CTSC: variants seen among roughly 807,000 people sequenced by gnomAD.
CTSC encodes the protein dipeptidyl peptidase 1.
Under a neutral mutation model 40.9 loss-of-function variants are expected in CTSC, and 37 were observed. The observed-to-expected ratio is 0.91, with a 90% CI of 0.70 to 1.19. The LOEUF (loss-of-function observed/expected upper bound fraction) is 1.19. Ranked by LOEUF, CTSC falls within the 50% of genes most tolerant of loss-of-function variation. The pLI is 0.00. For missense variants in CTSC, 594 were observed against 567.3 expected (o/e 1.05, Z -0.48); for synonymous variants, 232 against 207.4 (o/e 1.12, Z -1.02).
chr11:88,295,141 G>A (rs1224778850), intron 6 of CTSC, among the ~76,000 whole-genome samples: 1 of 152,096 alleles, frequency 6.6e-6, no homozygotes, highest in Non-Finnish European at 1.5e-5. Context: ...AGATTGTCTT[G>A]ATATATTATA....
intron 2 of CTSC, chr11:88,326,526 TAAA>T (rs3837397): frequency 5.2e-4 from 349 of 667,984 alleles, no homozygotes; most frequent in Non-Finnish European, 6.4e-4. Context: ...TTTCTTTAAG[TAAA>T]AAAAAAAAAA....
chr11:88,328,348 T>A, intron 2 of CTSC: 1 of 657,104 alleles, frequency 1.5e-6, no homozygotes. Flanking sequence ...CCCAAAGTTG[T>A]TTAAAACAAA....
rs75512227 is a variant in CTSC at position 88,298,633 on chromosome 11, A to G, written c.757+1897T>C. 2.7e-3 allele frequency: 417 copies of G among 152,328 alleles called. 4 individuals carry two copies. The highest frequency in any genetic ancestry group is 9.8e-3 in the African/African-American group (408 of 41,576). 9.4% of individuals were successfully genotyped at this position (152,328 alleles called of 1,614,324 possible). A position where few individuals can be genotyped will look rare whatever the true frequency, so the allele number is the denominator to read the frequency against. On this transcript the variant is annotated intron_variant, in intron 5 of 6. Coordinates refer to ENST00000227266, the MANE Select transcript of CTSC (RefSeq NM_001814.6). ...CAGTATAGAATACCAAAAGAAAGTC[A>G]AAAGAGGAAACTTTAAGTACATTAT...
intron 4 of CTSC, among the ~76,000 whole-genome samples, chr11:88,302,878 T>A (rs1213091847): frequency 6.6e-6 from 1 of 152,076 alleles, no homozygotes; most frequent in African/African-American, 2.4e-5. Context: ...AGAGACATAA[T>A]ATACACAAAG....
intron 1 of CTSC, among the ~76,000 whole-genome samples, chr11:88,336,499 A>G (rs1215251593): frequency 6.6e-6 from 1 of 151,060 alleles, no homozygotes. Context: ...AGATCCCGCC[A>G]CTGAACTACA....
chr11:88,325,428 C>T (rs1938154122), intron 2 of CTSC: 2 of 985,256 alleles, frequency 2.0e-6, no homozygotes, highest in African/African-American at 1.7e-5. Flanking sequence ...ATGATGCTCA[C>T]AGACTGGAAT....
intron 4 of CTSC, among the ~76,000 whole-genome samples, chr11:88,302,303 C>A (rs1404731630): frequency 1.3e-5 from 2 of 152,136 alleles, no homozygotes; most frequent in Non-Finnish European, 2.9e-5. Context: ...TCTCTCACAG[C>A]TTCTCTTAGA....
At chr11:88,318,682 G>C (rs930709250) in intron 2 of CTSC, among the ~76,000 whole-genome samples, 2 of 152,208 alleles carry the variant, frequency 1.3e-5, no homozygotes, top group Non-Finnish European at 2.9e-5. Context: ...GAGGCGGGTG[G>C]ATCACCTGAA....
At chr11:88,326,544 C>A (rs918259482) in intron 2 of CTSC, 11 of 749,080 alleles carry the variant, frequency 1.5e-5, no homozygotes, top group Admixed American at 2.3e-5. Flanking sequence ...AAAAAAAATA[C>A]CAGCACTGAT....
chr11:88,308,645 C>T (rs1937686706), intron 4 of CTSC, among the ~76,000 whole-genome samples: 1 of 151,762 alleles, frequency 6.6e-6, no homozygotes, highest in Non-Finnish European at 1.5e-5. Flanking sequence ...TTTCACCCAC[C>T]CCAACCAATC....
chr11:88,316,514 A>T (rs1053106179), intron 2 of CTSC, among the ~76,000 whole-genome samples: 5 of 152,200 alleles, frequency 3.3e-5, no homozygotes, highest in African/African-American at 1.2e-4. Context: ...TGAAGCAGGG[A>T]TGATAATTAC....
At chr11:88,322,513 T>C (rs1938048202) in intron 2 of CTSC, 1 of 152,162 alleles carries the variant, frequency 6.6e-6, no homozygotes, top group African/African-American at 2.4e-5. Context: ...CCTTTCCCTA[T>C]TGCTTCTTTT....
intron 2 of CTSC, among the ~76,000 whole-genome samples, chr11:88,319,835 G>A (rs1937958114): frequency 6.6e-6 from 1 of 152,094 alleles, no homozygotes; most frequent in African/African-American, 2.4e-5. Context: ...TTTGAAAAGA[G>A]TACTTTGCAT....
At position 88,294,299 on chromosome 11, in the gene CTSC, G is replaced by A. The variant is rs1197569506; in HGVS notation, c.1099C>T (p.His367Tyr). The change falls in exon 7 of 7, where the codon CAT becomes TAT. Residue 367 changes from histidine to tyrosine, a missense_variant. His to Tyr is a moderately conservative substitution (Grantham distance 83). Coordinates refer to ENST00000227266, the MANE Select transcript of CTSC (RefSeq NM_001814.6). ...EALMKLELVH[H>Y]GPMAVAFEVY... is the part of the protein sequence containing the mutation. Reference sequence around the variant, plus strand: ...TCAAAAGCAACTGCCATGGGCCCATGATGGACCAACTCAAGCTTCATCAGG... The same window carrying A: ...TCAAAAGCAACTGCCATGGGCCCATAATGGACCAACTCAAGCTTCATCAGG... 2 of 1,613,984 alleles carry A rather than the reference G, an allele frequency of 1.2e-6. No homozygotes were observed. The highest frequency in any genetic ancestry group is 2.2e-5 in the East Asian group (1 of 44,892).
rs200256827 is a variant in CTSC, at chr11:88,301,799, AAC to A, written c.642-1156_642-1155del. Among the ~76,000 whole-genome samples the A allele has an allele frequency of 4.9e-3, 464 of 94,678 alleles. 2 individuals carry two copies. Among genetic ancestry groups the A allele is most frequent in the Middle Eastern group, 0.027 (5 of 184 alleles). The allele number at this position is 94,678 out of a possible 152,430, so 62.1% of individuals were successfully genotyped here. ...ATACATACACATGCACACACACACAAACACACGCGCGCACACACACACACACA... is the reference window on the plus strand; with the variant it reads ...ATACATACACATGCACACACACACAAACACGCGCGCACACACACACACACA... On this transcript the variant is annotated intron_variant, in intron 4 of 6. Transcript: ENST00000227266.
At chr11:88,332,763 A>C (rs1032507261) in intron 2 of CTSC, among the ~76,000 whole-genome samples, 1 of 152,214 alleles carries the variant, frequency 6.6e-6, no homozygotes, top group African/African-American at 2.4e-5. Context: ...TCAAATGGGC[A>C]CTTTAAAATA....
At position 88,294,087 on chromosome 11, in the gene CTSC, G is replaced by C. The variant is rs752935787; in HGVS notation, c.1311C>G (p.Gly437=). The change falls in exon 7 of 7, where the codon GGC becomes GGG. Residue 437 remains glycine, a synonymous_variant. Coordinates refer to ENST00000227266, the MANE Select transcript of CTSC (RefSeq NM_001814.6). ...NSWGTGWGEN[G]YFRIRRGTDE... ...CAGTTCCTCTGCGGATCCGGAAGTA[G>C]CCATTCTCACCCCAGCCGGTGCCCC... The C allele has an allele frequency of 1.2e-6, 2 of 1,614,014 alleles. No individual in the cohort carries two copies. The highest frequency in any genetic ancestry group is 1.7e-6 in the Non-Finnish European group (2 of 1,180,006).
chr11:88,299,451 T>C (rs1335142326), intron 5 of CTSC: 1 of 152,100 alleles, frequency 6.6e-6, no homozygotes, highest in East Asian at 1.9e-4. Context: ...GAATAACTGG[T>C]AGAAAAGCAA....
At position 88,300,020 on chromosome 11, in the gene CTSC, A is replaced by G. The variant is rs534209251; in HGVS notation, c.757+510T>C. ...GCTGGGTTAATACTTACCATCACATATCGTATTCTAATGTAAAGTGAATTG... is the reference window on the plus strand; with the variant it reads ...GCTGGGTTAATACTTACCATCACATGTCGTATTCTAATGTAAAGTGAATTG... On this transcript the variant is annotated intron_variant, in intron 5 of 6. Transcript: ENST00000227266. Among the ~76,000 whole-genome samples the G allele has an allele frequency of 1.1e-4, 16 of 152,314 alleles. No homozygotes were observed. In the South Asian group the frequency reaches 2.9e-3, roughly 28 times the overall value.
Sources: allele counts gnomAD v4.1 joint callset (sites outside exome capture counted in the v4.1 genomes callset), GRCh38; gene constraint gnomAD v4.1.1; transcripts MANE v1.5; gene names NCBI Gene and HGNC (gene_info 2026-07-23, HGNC 2026-07-21).